CTNNA3: variants seen among roughly 807,000 people sequenced by gnomAD.
CTNNA3 encodes the protein catenin alpha-3.
Under a neutral mutation model 95.7 loss-of-function variants are expected in CTNNA3, and 76 were observed. That is an observed-to-expected ratio of 0.79 (90% CI 0.66 to 0.96). CTNNA3 has a LOEUF of 0.96. Ranked by LOEUF, CTNNA3 falls within the 40% of genes least tolerant of loss-of-function variation. The probability of loss-of-function intolerance (pLI) is 0.00; values close to 1 mark genes in which losing one functional copy is unlikely to be tolerated. For synonymous variants in CTNNA3, 431 were observed against 374.4 expected, an observed-to-expected ratio of 1.15 and a Z score of -1.74; for missense variants, 1,191 against 1,089.8, an observed-to-expected ratio of 1.09 and a Z score of -1.31.
chr10:67,687,986 A>G (rs189471369), intron 1 of CTNNA3, among the ~76,000 whole-genome samples: 30 of 152,222 alleles, frequency 2.0e-4, no homozygotes, highest in Admixed American at 1.6e-3. Flanking sequence ...CTGTCATTCT[A>G]TCATTTACTT....
intron 1 of CTNNA3, among the ~76,000 whole-genome samples, chr10:67,726,793 ATAT>A (rs1256626053): frequency 6.9e-4 from 18 of 26,178 alleles, no homozygotes; most frequent in East Asian, 1.4e-3. Context: ...AATATATATG[ATAT>A]TATATACATC....
At chr10:66,558,352 C>G (rs996597797) in intron 10 of CTNNA3, among the ~76,000 whole-genome samples, 1 of 152,086 alleles carries the variant, frequency 6.6e-6, no homozygotes, top group African/African-American at 2.4e-5. Flanking sequence ...CTTTCCTACT[C>G]TTGCCAAGAT....
chr10:66,645,983 G>A (rs181016072), intron 9 of CTNNA3, among the ~76,000 whole-genome samples: 1 of 152,198 alleles, frequency 6.6e-6, no homozygotes, highest in East Asian at 1.9e-4. Context: ...TTAATATCAG[G>A]TAGAGTACTT....
At chr10:67,535,820 G>T (rs1339768677) in intron 4 of CTNNA3, among the ~76,000 whole-genome samples, 2 of 152,004 alleles carry the variant, frequency 1.3e-5, no homozygotes, top group Non-Finnish European at 2.9e-5. Context: ...AGGAAACGAA[G>T]GTTTGATGAT....
At position 66,265,572 on chromosome 10, in the gene CTNNA3, C is replaced by A. The variant is rs574294619; in HGVS notation, c.1884+14898G>T. On this transcript the variant is annotated intron_variant, in intron 13 of 17. Coordinates refer to ENST00000433211, the MANE Select transcript of CTNNA3 (RefSeq NM_013266.4). ...ACCACTCTACTCCTCCATTCAGTAA[C>A]TTTTAGAAACAGTGCCTCCTTCCTG... 2.0e-5 allele frequency among the ~76,000 whole-genome samples: 3 copies of A among 152,154 alleles called. No homozygotes were observed. The South Asian group carries it at 6.2e-4, about 32-fold the overall frequency.
chr10:66,592,060 A>C (rs1437390895), intron 10 of CTNNA3, among the ~76,000 whole-genome samples: 1 of 151,148 alleles, frequency 6.6e-6, no homozygotes, highest in African/African-American at 2.4e-5. Context: ...ATTGCTGTTA[A>C]ATGTTCCTTG....
intron 7 of CTNNA3, among the ~76,000 whole-genome samples, chr10:66,970,131 C>T (rs1390262075): frequency 1.3e-5 from 2 of 152,112 alleles, no homozygotes; most frequent in Non-Finnish European, 2.9e-5. Context: ...ACAGCCACAT[C>T]TTTAAACCCA....
chr10:67,695,687 T>A lies in CTNNA3; in HGVS notation c.-6+313A>T, dbSNP rs571959529. Among the ~76,000 whole-genome samples the A allele has an allele frequency of 1.4e-4, 22 of 152,290 alleles. No homozygotes were observed. The South Asian group carries it at 4.6e-3, about 32-fold the overall frequency. Reference sequence around the variant, plus strand: ...CCAAAGCACAAGCATCCAGGCCATATCTTATCTTTTCCTGCACAGTATCCA... The same window carrying A: ...CCAAAGCACAAGCATCCAGGCCATAACTTATCTTTTCCTGCACAGTATCCA... On this transcript the variant is annotated intron_variant, in intron 1 of 17. Coordinates refer to ENST00000433211, the MANE Select transcript of CTNNA3 (RefSeq NM_013266.4).
At chr10:66,846,364 T>C (rs1488800558) in intron 7 of CTNNA3, among the ~76,000 whole-genome samples, 2 of 152,070 alleles carry the variant, frequency 1.3e-5, no homozygotes, top group Non-Finnish European at 2.9e-5. Flanking sequence ...TTAAGCAAGA[T>C]AAATAAGTTT....
At chr10:66,852,382 T>C (rs995347420) in intron 7 of CTNNA3, among the ~76,000 whole-genome samples, 10 of 152,282 alleles carry the variant, frequency 6.6e-5, no homozygotes, top group African/African-American at 2.4e-4. Flanking sequence ...TGCTAGACTA[T>C]TAGGTCTTTG....
chr10:66,756,538 G>A (rs932483369), intron 9 of CTNNA3, among the ~76,000 whole-genome samples: 7 of 152,012 alleles, frequency 4.6e-5, no homozygotes, highest in Non-Finnish European at 1.0e-4. Flanking sequence ...GGTATACACA[G>A]CTACAGATTT....
chr10:66,967,138 C>T (rs138924305), intron 7 of CTNNA3, among the ~76,000 whole-genome samples: 1,672 of 151,906 alleles, frequency 0.011, 12 homozygotes, highest in South Asian at 0.033. Context: ...ATGGTTATAG[C>T]AAAAAATAGA....
chr10:66,729,679 T>A (rs1848891535), intron 9 of CTNNA3, among the ~76,000 whole-genome samples: 1 of 152,218 alleles, frequency 6.6e-6, no homozygotes, highest in African/African-American at 2.4e-5. Context: ...AGACTACAAA[T>A]TGGATACAGT....
chr10:67,378,377 C>G (rs540657551), intron 5 of CTNNA3, among the ~76,000 whole-genome samples: 4 of 152,184 alleles, frequency 2.6e-5, no homozygotes, highest in African/African-American at 9.6e-5. Flanking sequence ...CCTACATAAC[C>G]AGGTATGGTT....
intron 7 of CTNNA3, among the ~76,000 whole-genome samples, chr10:66,976,944 T>C (rs557712750): frequency 6.6e-6 from 1 of 152,312 alleles, no homozygotes; most frequent in African/African-American, 2.4e-5. Context: ...TGAACCAAAA[T>C]TTAAATTTCT....
chr10:67,726,509 ATATAT>A lies in CTNNA3; in HGVS notation c.-2+36920_-2+36924del, dbSNP rs1216683263. 5.9e-3 allele frequency among the ~76,000 whole-genome samples: 441 copies of A among 74,576 alleles called. 4 individuals are homozygous for A. The highest frequency in any genetic ancestry group is 7.9e-3 in the Non-Finnish European group (351 of 44,450). The allele number at this position is 74,576 out of a possible 152,430, so 48.9% of individuals were successfully genotyped here. On this transcript the variant is annotated intron_variant, in intron 1 of 17. Coordinates refer to the CTNNA3 transcript ENST00000684154. ...TATCATATACAATATATAATATATT[ATATAT>A]TATATTATATTATATATATTATTAT...
In CTNNA3 at chr10:67,632,720, T is replaced by C. The variant is rs548147407; in HGVS notation, c.99+14695A>G. Among the ~76,000 whole-genome samples the C allele has an allele frequency of 3.3e-5, 5 of 152,208 alleles. No homozygotes were observed. The South Asian group carries it at 1.0e-3, about 32-fold the overall frequency. On this transcript the variant is annotated intron_variant, in intron 2 of 17. Coordinates refer to ENST00000433211, the MANE Select transcript of CTNNA3 (RefSeq NM_013266.4). ...TCGTGAGCCCACACCACCAGGGCGT[T>C]GGGTCTGATACACAGAACTGTGTAG... is the stretch of plus-strand genomic sequence containing the variant.
intron 11 of CTNNA3, among the ~76,000 whole-genome samples, chr10:66,387,762 G>A (rs1374953022): frequency 6.6e-6 from 1 of 152,180 alleles, no homozygotes. Context: ...ATACTATGCA[G>A]CCATAAAACA....
At chr10:66,467,226 T>TG in intron 11 of CTNNA3, among the ~76,000 whole-genome samples, 2 of 152,176 alleles carry the variant, frequency 1.3e-5, no homozygotes, top group East Asian at 3.9e-4. Context: ...CGGTGGTGAC[T>TG]GGGCCCTTTG....
Sources: allele counts gnomAD v4.1 joint callset (sites outside exome capture counted in the v4.1 genomes callset), GRCh38; gene constraint gnomAD v4.1.1; transcripts MANE v1.5; gene names NCBI Gene and HGNC (gene_info 2026-07-23, HGNC 2026-07-21).